ATP8A2: variants seen among roughly 807,000 people sequenced by gnomAD.
ATP8A2 encodes phospholipid-transporting ATPase IB.
Under a neutral mutation model 165.6 loss-of-function variants are expected in ATP8A2, and 100 were observed. That is an observed-to-expected ratio of 0.60 (90% confidence interval 0.51 to 0.71). The LOEUF is 0.71. Among genes scored for constraint, ATP8A2 ranks in the 30% least tolerant of loss-of-function variants. The pLI, the probability that ATP8A2 is intolerant of heterozygous loss-of-function variation, is 0.00. For synonymous variants in ATP8A2, 543 were observed against 548.8 expected (o/e 0.99, Z 0.15); for missense variants, 1,227 against 1,479.5 (o/e 0.83, Z 2.80).
At chr13:25,557,889 A>G (rs1450793789) in intron 13 of ATP8A2, among the ~76,000 whole-genome samples, 1 of 152,124 alleles carries the variant, frequency 6.6e-6, no homozygotes, top group Non-Finnish European at 1.5e-5. Flanking sequence ...AGCCCTTATT[A>G]TAAAATGTTC....
intron 33 of ATP8A2, among the ~76,000 whole-genome samples, chr13:25,939,581 G>A (rs1255095333): frequency 6.6e-6 from 1 of 151,716 alleles, no homozygotes; most frequent in Non-Finnish European, 1.5e-5. Context: ...TTGTGCCAAT[G>A]TGGAGACTCC....
chr13:25,899,125 T>C (rs1444030304), intron 33 of ATP8A2, among the ~76,000 whole-genome samples: 5 of 152,214 alleles, frequency 3.3e-5, no homozygotes, highest in African/African-American at 1.2e-4. Flanking sequence ...TGTCGCTCAC[T>C]CTGGGAACTG....
intron 27 of ATP8A2, among the ~76,000 whole-genome samples, chr13:25,811,426 G>A (rs1239253228): frequency 6.6e-6 from 1 of 152,068 alleles, no homozygotes; most frequent in Non-Finnish European, 1.5e-5. Context: ...GAAGCTGGAG[G>A]CGTAGTATAC....
rs114022703 is a variant in ATP8A2, at chr13:25,490,221, G to C, written c.221+21100G>C. Among the ~76,000 whole-genome samples the C allele has an allele frequency of 4.3e-3, 651 of 152,318 alleles. 2 individuals carry two copies. Among genetic ancestry groups the C allele is most frequent in the African/African-American group, 0.015 (633 of 41,572 alleles). On this transcript the variant is annotated intron_variant, in intron 2 of 36. Coordinates refer to ENST00000381655, the MANE Select transcript of ATP8A2 (RefSeq NM_016529.6). ...CTCATGCCCTTAGCCTCTTAAAGAA[G>C]AGTTACGGGAGAGAAACTCCGAGCA...
chr13:25,484,663 C>G lies in ATP8A2; in HGVS notation c.221+15542C>G, dbSNP rs139932299. ...CTGTGCAGCTGGGACTACAGGCGTT[C>G]ACCAGCAGGCCCGGCTAATTTTTTT... On this transcript the variant is annotated intron_variant, in intron 2 of 36. Transcript: ENST00000381655. Among the ~76,000 whole-genome samples, 714 of 152,122 alleles carry G rather than the reference C, an allele frequency of 4.7e-3. 5 individuals carry two copies. The highest frequency in any genetic ancestry group is 0.017 in the African/African-American group (686 of 41,492).
At position 25,710,650 on chromosome 13, in the gene ATP8A2, G is replaced by A. The variant is rs77705047; in HGVS notation, c.2384+11305G>A. On this transcript the variant is annotated intron_variant, in intron 25 of 36. Coordinates refer to ENST00000381655, the MANE Select transcript of ATP8A2 (RefSeq NM_016529.6). ...ACTTGAGGGAGTACCTACTGTTTAA[G>A]GTTGTTGGGTGAACACAAATGGCAC... Among the ~76,000 whole-genome samples the A allele has an allele frequency of 7.2e-5, 11 of 152,312 alleles. No homozygotes were observed. In the East Asian group the frequency reaches 1.7e-3, roughly 24 times the overall value.
intron 35 of ATP8A2, among the ~76,000 whole-genome samples, chr13:26,000,175 G>A (rs1308668960): frequency 6.6e-6 from 1 of 152,182 alleles, no homozygotes; most frequent in African/African-American, 2.4e-5. Flanking sequence ...GGGAACTGGG[G>A]ACCAGCTTTT....
intron 9 of ATP8A2, 130 bp from the exon 10 acceptor site, chr13:25,543,161 G>A (rs560905318): frequency 3.5e-6 from 2 of 566,794 alleles, no homozygotes; most frequent in African/African-American, 3.7e-5. Context: ...TGTTGTCTGT[G>A]TTTCTCAGTG....
At chr13:25,412,749 A>G (rs2034006583) in intron 1 of ATP8A2, among the ~76,000 whole-genome samples, 1 of 152,200 alleles carries the variant, frequency 6.6e-6, no homozygotes, top group South Asian at 2.1e-4. Context: ...GTCACCCACC[A>G]GCCTGTTCCT....
chr13:25,563,917 CTT>C, intron 15 of ATP8A2, 37 bp from the exon 16 acceptor site: 2 of 1,493,518 alleles, frequency 1.3e-6, no homozygotes, highest in Non-Finnish European at 1.9e-6. Flanking sequence ...TTAACAGAAA[CTT>C]TTAAATTGAA....
intron 35 of ATP8A2, among the ~76,000 whole-genome samples, chr13:25,995,277 C>T (rs1425197572): frequency 6.6e-6 from 1 of 151,116 alleles, no homozygotes; most frequent in African/African-American, 2.4e-5. Flanking sequence ...ATAAGAAGCT[C>T]AATAAAGAGC....
chr13:25,604,523 C>A (rs2040467671), intron 24 of ATP8A2, among the ~76,000 whole-genome samples: 1 of 152,082 alleles, frequency 6.6e-6, no homozygotes, highest in Admixed American at 6.6e-5. Context: ...TTTATTTTTC[C>A]AAAATGTGTA....
intron 24 of ATP8A2, among the ~76,000 whole-genome samples, chr13:25,617,665 T>C (rs2040861310): frequency 6.6e-6 from 1 of 152,242 alleles, no homozygotes; most frequent in African/African-American, 2.4e-5. Context: ...TTAGAATTTC[T>C]TGAATTTATT....
intron 25 of ATP8A2, among the ~76,000 whole-genome samples, chr13:25,742,918 G>T (rs1284506727): frequency 6.6e-6 from 1 of 152,070 alleles, no homozygotes; most frequent in Non-Finnish European, 1.5e-5. Context: ...CTTTCTGGGG[G>T]AGCCAGCTTC....
intron 27 of ATP8A2, among the ~76,000 whole-genome samples, chr13:25,791,536 CACACAT>C (rs1242086353): frequency 2.6e-5 from 3 of 114,676 alleles, no homozygotes; most frequent in South Asian, 3.4e-4. Flanking sequence ...TAAACACACA[CACACAT>C]ACACACACAC....
At chr13:25,775,515 G>A (rs748172668) in intron 27 of ATP8A2, among the ~76,000 whole-genome samples, 1 of 152,170 alleles carries the variant, frequency 6.6e-6, no homozygotes, top group Non-Finnish European at 1.5e-5. Flanking sequence ...CAAGGTCATT[G>A]ACAATATTGC....
intron 27 of ATP8A2, among the ~76,000 whole-genome samples, chr13:25,817,060 C>T (rs1195054858): frequency 6.6e-6 from 1 of 152,132 alleles, no homozygotes; most frequent in Non-Finnish European, 1.5e-5. Flanking sequence ...TGCCACTGTT[C>T]CAACACCAGG....
chr13:25,836,946 T>G (rs9511934), intron 28 of ATP8A2, among the ~76,000 whole-genome samples: 2 of 151,952 alleles, frequency 1.3e-5, no homozygotes, highest in Non-Finnish European at 2.9e-5. Context: ...AGATAATGTA[T>G]GATGTTTTTA....
chr13:25,547,701 C>T (rs564293911), intron 10 of ATP8A2, among the ~76,000 whole-genome samples: 34 of 152,284 alleles, frequency 2.2e-4, no homozygotes, highest in African/African-American at 7.9e-4. Flanking sequence ...TTGTCTTCCA[C>T]GAAACCAGTA....
Sources: allele counts gnomAD v4.1 joint callset (sites outside exome capture counted in the v4.1 genomes callset), GRCh38; gene constraint gnomAD v4.1.1; transcripts MANE v1.5; gene names NCBI Gene and HGNC (gene_info 2026-07-23, HGNC 2026-07-21).